The following PCSK6 variants were observed in gnomAD, a reference collection of about 807,000 sequenced individuals.
PCSK6 encodes the protein proprotein convertase subtilisin/kexin type 6.
In PCSK6, 85 loss-of-function variants were observed where a neutral mutation model predicts 123.3. The ratio of observed to expected loss-of-function variants is 0.69; its 90% CI spans 0.58 to 0.83. The LOEUF (loss-of-function observed/expected upper bound fraction) is 0.83. Ranked by LOEUF, PCSK6 falls within the 40% of genes least tolerant of loss-of-function variation. The pLI, the probability that PCSK6 is intolerant of heterozygous loss-of-function variation, is 0.00. For missense variants in PCSK6, 1,191 were observed against 1,282.3 expected, an observed-to-expected ratio of 0.93 and a Z score of 1.09; for synonymous variants, 508 against 516.0, an observed-to-expected ratio of 0.98 and a Z score of 0.21.
chr15:101,467,103 G>C (rs1441052575), intron 1 of PCSK6, among the ~76,000 whole-genome samples: 1 of 148,978 alleles, frequency 6.7e-6, no homozygotes, highest in African/African-American at 2.6e-5. Flanking sequence ...CCCCATACAG[G>C]TAAAAAAAAT....
At chr15:101,403,206 G>A (rs1247487150) in intron 6 of PCSK6, among the ~76,000 whole-genome samples, 44 of 144,666 alleles carry the variant, frequency 3.0e-4, no homozygotes, top group Non-Finnish European at 4.8e-4. Flanking sequence ...TCACTCATAG[G>A]TGGGAATTGA....
chr15:101,378,366 C>T (rs2041812954), intron 11 of PCSK6, among the ~76,000 whole-genome samples: 2 of 152,236 alleles, frequency 1.3e-5, no homozygotes, highest in African/African-American at 4.8e-5. Flanking sequence ...GCACAGCTGG[C>T]ACTTTCATCC....
chr15:101,427,969 C>G lies in PCSK6; in HGVS notation c.746G>C (p.Arg249Pro), dbSNP rs367709197. ...DASNENKHGT[R>P]CAGEVAASAN... is the part of the protein sequence containing the mutation. Reference sequence around the variant, plus strand: ...TGAAGCAGCAACTTCTCCCGCACAACGAGTGCCGTGTCTGAAACAAAGGAA... The same window carrying G: ...TGAAGCAGCAACTTCTCCCGCACAAGGAGTGCCGTGTCTGAAACAAAGGAA... The change falls in exon 6 of 22, where the codon CGT (arginine) becomes CCT (proline). Residue 249 changes from arginine to proline, a missense_variant. Arg to Pro is a moderately radical substitution (Grantham distance 103). Transcript: ENST00000611716. The G allele has an allele frequency of 6.3e-7, 1 of 1,576,862 alleles. No individual in the cohort carries two copies. The highest frequency in any genetic ancestry group is 8.6e-7 in the Non-Finnish European group (1 of 1,160,834).
chr15:101,337,660 A>T (rs2040512483), intron 13 of PCSK6, among the ~76,000 whole-genome samples: 1 of 152,138 alleles, frequency 6.6e-6, no homozygotes, highest in East Asian at 1.9e-4. Context: ...ATTCGACGTT[A>T]TTTATTTTCT....
intron 2 of PCSK6, among the ~76,000 whole-genome samples, chr15:101,442,065 G>A (rs1323006485): frequency 6.6e-6 from 1 of 152,180 alleles, no homozygotes; most frequent in Non-Finnish European, 1.5e-5. Flanking sequence ...TTGGGAAGGA[G>A]CAACTACAAT....
At chr15:101,393,767 G>T (rs540804079) in intron 7 of PCSK6, among the ~76,000 whole-genome samples, 1 of 152,226 alleles carries the variant, frequency 6.6e-6, no homozygotes, top group African/African-American at 2.4e-5. Context: ...AATGGCCTAG[G>T]ATCAAAGAGA....
In PCSK6 at chr15:101,443,786, T is replaced by C. The variant is rs117675650; in HGVS notation, c.298-126A>G. ...TCTCCCAGAGGAAACACACCCTCCA[T>C]CACCCTGCTCCTCATATCTCTGGCA... On this transcript the variant is annotated intron_variant, in intron 1 of 21. Transcript: ENST00000611716. 2.4e-3 allele frequency: 1,675 copies of C among 702,568 alleles called. 19 individuals carry two copies. The East Asian group carries it at 0.03, about 12-fold the overall frequency. 43.5% of individuals were successfully genotyped at this position (702,568 alleles called of 1,614,324 possible). A position where few individuals can be genotyped will look rare whatever the true frequency, so the allele number is the denominator to read the frequency against.
intron 13 of PCSK6, among the ~76,000 whole-genome samples, chr15:101,350,381 C>A (rs907264095): frequency 4.6e-5 from 7 of 152,124 alleles, no homozygotes; most frequent in Non-Finnish European, 8.8e-5. Context: ...CACAGTATAG[C>A]ACTCTGTGAT....
intron 13 of PCSK6, among the ~76,000 whole-genome samples, chr15:101,349,681 C>T (rs537766620): frequency 9.2e-5 from 14 of 152,252 alleles, no homozygotes; most frequent in South Asian, 2.1e-4. Context: ...GCTGGTAAGA[C>T]GCTGATGAGG....
intron 12 of PCSK6, among the ~76,000 whole-genome samples, chr15:101,366,761 C>T (rs1229316917): frequency 2.0e-5 from 3 of 152,168 alleles, no homozygotes; most frequent in Non-Finnish European, 2.9e-5. Context: ...GGCGGGGGTC[C>T]CCCTGGGGTA....
intron 1 of PCSK6, among the ~76,000 whole-genome samples, chr15:101,460,141 C>A (rs1355132401): frequency 6.6e-6 from 1 of 152,056 alleles, no homozygotes; most frequent in Non-Finnish European, 1.5e-5. Flanking sequence ...CCAGGAAGAC[C>A]CCCCACGATG....
intron 21 of PCSK6, among the ~76,000 whole-genome samples, chr15:101,306,120 G>A (rs1002144208): frequency 7.9e-5 from 12 of 151,752 alleles, no homozygotes; most frequent in South Asian, 2.1e-4. Context: ...TGGAGGGGGC[G>A]GACAGGGAGG....
intron 9 of PCSK6, among the ~76,000 whole-genome samples, chr15:101,385,928 C>T (rs950963860): frequency 6.6e-6 from 1 of 152,114 alleles, no homozygotes; most frequent in Non-Finnish European, 1.5e-5. Flanking sequence ...TGATGCCTAC[C>T]TAGGACTTTC....
intron 8 of PCSK6, among the ~76,000 whole-genome samples, chr15:101,390,911 C>G (rs1339040995): frequency 1.3e-5 from 2 of 152,152 alleles, no homozygotes; most frequent in Non-Finnish European, 2.9e-5. Context: ...AAGTCACACC[C>G]ACCCACCCAC....
chr15:101,438,364 TAGAA>T (rs1265290316), intron 2 of PCSK6, among the ~76,000 whole-genome samples: 1 of 152,202 alleles, frequency 6.6e-6, no homozygotes, highest in Non-Finnish European at 1.5e-5. Context: ...AGTATTTACA[TAGAA>T]AGAAGTTGCT....
chr15:101,488,195 G>C (rs1228123364), intron 1 of PCSK6, among the ~76,000 whole-genome samples: 1 of 152,196 alleles, frequency 6.6e-6, no homozygotes, highest in East Asian at 1.9e-4. Context: ...ATTTAACACT[G>C]CCTGGCACTA....
At chr15:101,354,484 G>A (rs190265670) in intron 13 of PCSK6, among the ~76,000 whole-genome samples, 49 of 152,362 alleles carry the variant, frequency 3.2e-4, no homozygotes, top group African/African-American at 1.2e-3. Flanking sequence ...GTCTCTACGT[G>A]TCCCACGGCA....
chr15:101,403,175 A>G (rs2042646691), intron 6 of PCSK6, among the ~76,000 whole-genome samples: 1 of 151,014 alleles, frequency 6.6e-6, no homozygotes, highest in Admixed American at 6.6e-5. Context: ...GCAAGGACAA[A>G]AAACCAAACA....
At chr15:101,389,216 C>T (rs951198585) in intron 9 of PCSK6, among the ~76,000 whole-genome samples, 2 of 152,158 alleles carry the variant, frequency 1.3e-5, no homozygotes, top group East Asian at 1.9e-4. Context: ...CTGCCCAGTC[C>T]GTGGGACTCT....
Sources: gnomAD v4.1 joint callset for allele counts (sites outside exome capture counted in the v4.1 genomes callset) on GRCh38, gnomAD v4.1.1 for gene constraint, MANE v1.5 for transcripts, NCBI Gene and HGNC (gene_info 2026-07-23, HGNC 2026-07-21) for gene names.